The following ANK2 variants were observed in gnomAD, a reference collection of about 807,000 sequenced individuals.
ANK2 encodes ankyrin 2.
A neutral mutation model predicts 360.5 loss-of-function variants in ANK2; 83 were observed. That is an observed-to-expected ratio of 0.23 (90% CI 0.19 to 0.28). The LOEUF (loss-of-function observed/expected upper bound fraction) is 0.28. ANK2 is among the 10% of genes least tolerant of loss of function. ANK2 has a pLI of 1.00. For missense variants in ANK2, 4,201 were observed against 4,795.7 expected (o/e 0.88, Z 3.66); for synonymous variants, 1,740 against 1,759.5 (o/e 0.99, Z 0.28).
At chr4:113,196,548 G>T in intron 3 of ANK2, 82 bp downstream of exon 3, 1 of 1,262,784 alleles carries the variant, frequency 7.9e-7, no homozygotes, top group Non-Finnish European at 1.1e-6. Context: ...TTATTTTTTA[G>T]ACAAGGTCTC....
At chr4:112,950,987 C>G (rs1233528560) in intron 2 of ANK2, among the ~76,000 whole-genome samples, 1 of 142,200 alleles carries the variant, frequency 7.0e-6, no homozygotes, top group Admixed American at 7.5e-5. Flanking sequence ...GAGGCTGAGG[C>G]AGGAGAATGG....
chr4:113,015,303 C>T (rs2056297800), intron 2 of ANK2, among the ~76,000 whole-genome samples: 5 of 152,094 alleles, frequency 3.3e-5, no homozygotes, highest in African/African-American at 1.2e-4. Context: ...ATAATAATAC[C>T]TAATCTTCAA....
intron 22 of ANK2, among the ~76,000 whole-genome samples, chr4:113,301,789 G>A (rs927394867): frequency 6.6e-6 from 1 of 152,144 alleles, no homozygotes; most frequent in African/African-American, 2.4e-5. Context: ...TATGTCTTGT[G>A]TCTAAAATAG....
the ANK2 span, among the ~76,000 whole-genome samples, chr4:112,808,256 T>G: frequency 6.6e-6 from 1 of 152,222 alleles, no homozygotes; most frequent in Non-Finnish European, 1.5e-5. Flanking sequence ...GGTTCCCTAT[T>G]TCAAGAGGAA....
At chr4:113,313,086 G>A (rs1249078500) in intron 24 of ANK2, among the ~76,000 whole-genome samples, 1 of 152,122 alleles carries the variant, frequency 6.6e-6, no homozygotes, top group South Asian at 2.1e-4. Flanking sequence ...TGAGTCCTTG[G>A]CTTCAATAAC....
intron 1 of ANK2, among the ~76,000 whole-genome samples, chr4:112,889,067 T>C (rs1381663416): frequency 1.3e-5 from 2 of 152,228 alleles, no homozygotes; most frequent in African/African-American, 4.8e-5. Context: ...CTGTGAATTA[T>C]AATTTCTAGT....
intron 4 of ANK2, among the ~76,000 whole-genome samples, chr4:113,215,330 G>T (rs1349553198): frequency 2.0e-5 from 3 of 152,040 alleles, no homozygotes; most frequent in Non-Finnish European, 4.4e-5. Context: ...TACTACAGAG[G>T]GTTGATATAG....
chr4:113,101,801 T>C (rs1001427982), intron 1 of ANK2, among the ~76,000 whole-genome samples: 8 of 152,066 alleles, frequency 5.3e-5, no homozygotes, highest in Non-Finnish European at 1.0e-4. Context: ...TGGGAATGCA[T>C]TAAGGGAGGC....
At chr4:113,125,343 T>TTATAAA (rs2095599607) in intron 1 of ANK2, among the ~76,000 whole-genome samples, 1 of 152,146 alleles carries the variant, frequency 6.6e-6, no homozygotes, top group African/African-American at 2.4e-5. Context: ...AGATCAAATA[T>TTATAAA]GATTTTTGCG....
At chr4:112,950,643 C>T (rs1308370785) in intron 2 of ANK2, among the ~76,000 whole-genome samples, 20 of 62,590 alleles carry the variant, frequency 3.2e-4, no homozygotes, top group Admixed American at 3.7e-4. Context: ...GACTCTGTCT[C>T]AAAAAGAAAA....
chr4:112,771,195 C>G, the ANK2 span, among the ~76,000 whole-genome samples: 1 of 152,234 alleles, frequency 6.6e-6, no homozygotes, highest in African/African-American at 2.4e-5. Context: ...TTACCACGAC[C>G]TTCGCCTCCC....
intron 9 of ANK2, among the ~76,000 whole-genome samples, chr4:113,247,639 G>A (rs899176126): frequency 1.3e-5 from 2 of 152,096 alleles, no homozygotes; most frequent in African/African-American, 4.8e-5. Flanking sequence ...TTTCAAACAA[G>A]GCTTGCAAGT....
chr4:112,974,173 C>T (rs1333220512), intron 2 of ANK2, among the ~76,000 whole-genome samples: 1 of 152,190 alleles, frequency 6.6e-6, no homozygotes, highest in Non-Finnish European at 1.5e-5. Flanking sequence ...TGACACACCT[C>T]TCTTATGAAT....
chr4:113,270,640 C>A (rs1170056613), intron 14 of ANK2, among the ~76,000 whole-genome samples: 1 of 152,128 alleles, frequency 6.6e-6, no homozygotes, highest in African/African-American at 2.4e-5. Context: ...TTCCCTATAG[C>A]ATTTTCTATT....
chr4:112,998,668 T>C (rs2049508899), intron 2 of ANK2, among the ~76,000 whole-genome samples: 1 of 152,202 alleles, frequency 6.6e-6, no homozygotes, highest in Non-Finnish European at 1.5e-5. Flanking sequence ...CATGGTTAAA[T>C]AAATTTGGGA....
chr4:113,292,586 G>T, intron 21 of ANK2, 72 bp downstream of exon 21: 2 of 1,419,266 alleles, frequency 1.4e-6, no homozygotes, highest in Non-Finnish European at 1.9e-6. Flanking sequence ...CTTCTTGTCT[G>T]AGCTGAGTGA....
intron 1 of ANK2, among the ~76,000 whole-genome samples, chr4:112,885,839 G>GCAA (rs1470757244): frequency 6.9e-5 from 10 of 144,836 alleles, no homozygotes; most frequent in Non-Finnish European, 1.2e-4. Context: ...AATAAGCAGC[G>GCAA]CAACCTTCCA....
At chr4:113,298,014 C>T (rs996578818) in intron 22 of ANK2, among the ~76,000 whole-genome samples, 1 of 151,998 alleles carries the variant, frequency 6.6e-6, no homozygotes, top group Non-Finnish European at 1.5e-5. Flanking sequence ...TCAAACGATC[C>T]ACCTGCCTTG....
chr4:112,778,328 C>G, the ANK2 span, among the ~76,000 whole-genome samples: 1 of 151,948 alleles, frequency 6.6e-6, no homozygotes, highest in East Asian at 1.9e-4. Flanking sequence ...CCCACCACCA[C>G]GCCTGGCCAA....
Sources: gnomAD v4.1 joint callset for allele counts (sites outside exome capture counted in the v4.1 genomes callset) on GRCh38, gnomAD v4.1.1 for gene constraint, MANE v1.5 for transcripts, NCBI Gene and HGNC (gene_info 2026-07-23, HGNC 2026-07-21) for gene names.